TRAT1: variants seen among roughly 807,000 people sequenced by gnomAD.
The protein encoded by TRAT1 is T-cell receptor-associated transmembrane adapter 1.
In TRAT1, 20 loss-of-function variants were observed where a neutral mutation model predicts 20.0. That is an observed-to-expected ratio of 1.00 (90% CI 0.70 to 1.45). TRAT1 has a LOEUF of 1.45. Among genes scored for constraint, TRAT1 ranks in the 40% most tolerant of loss-of-function variants. The probability of loss-of-function intolerance (pLI) is 0.00; values close to 1 mark genes in which losing one functional copy is unlikely to be tolerated. For synonymous variants in TRAT1, 77 were observed against 74.2 expected, an observed-to-expected ratio of 1.04 and a Z score of -0.20; for missense variants, 237 against 224.1, an observed-to-expected ratio of 1.06 and a Z score of -0.37.
At chr3:108,847,651 G>A (rs185374856) in intron 4 of TRAT1, among the ~76,000 whole-genome samples, 2 of 152,208 alleles carry the variant, frequency 1.3e-5, no homozygotes, top group East Asian at 3.9e-4. Flanking sequence ...TATGTAATAA[G>A]CGCTCTTCAG....
intron 5 of TRAT1, among the ~76,000 whole-genome samples, chr3:108,852,119 G>A (rs576470365): frequency 1.3e-5 from 2 of 152,214 alleles, no homozygotes; most frequent in South Asian, 2.1e-4. Context: ...GGTGGCTCAC[G>A]CCTATAATCC....
chr3:108,833,826 A>ACC (rs1945816002), intron 2 of TRAT1, among the ~76,000 whole-genome samples: 2 of 151,820 alleles, frequency 1.3e-5, no homozygotes, highest in Non-Finnish European at 2.9e-5. Context: ...ACACACACAC[A>ACC]CACACATCTT....
rs548740239 is a variant in TRAT1 at position 108,838,598 on chromosome 3, C to A, written c.119-336C>A. Reference sequence around the variant, plus strand: ...AGGGAGGCAGGAAGGAAGGTTCCAGCTCTCTCTGCTTAGTGTTTCTGTGCA... The same window carrying A: ...AGGGAGGCAGGAAGGAAGGTTCCAGATCTCTCTGCTTAGTGTTTCTGTGCA... On this transcript the variant is annotated intron_variant, in intron 2 of 5. Coordinates refer to ENST00000295756, the MANE Select transcript of TRAT1 (RefSeq NM_016388.4). 7.0e-4 allele frequency among the ~76,000 whole-genome samples: 106 copies of A among 152,254 alleles called. 1 individual carries two copies. The highest frequency in any genetic ancestry group is 2.5e-3 in the African/African-American group (104 of 41,552).
intron 1 of TRAT1, among the ~76,000 whole-genome samples, chr3:108,826,670 C>T (rs1945742795): frequency 6.6e-6 from 1 of 151,974 alleles, no homozygotes. Flanking sequence ...TTCTGGGTGC[C>T]TAAAATAAAT....
At chr3:108,835,011 T>G (rs1224350361) in intron 2 of TRAT1, among the ~76,000 whole-genome samples, 4 of 152,238 alleles carry the variant, frequency 2.6e-5, no homozygotes, top group African/African-American at 9.6e-5. Context: ...ATCCAAAAAC[T>G]ATTCTTTGTT....
At chr3:108,851,159 G>T (rs1028120020) in intron 5 of TRAT1, among the ~76,000 whole-genome samples, 10 of 152,052 alleles carry the variant, frequency 6.6e-5, no homozygotes, top group African/African-American at 2.4e-4. Context: ...TGTTACTTTG[G>T]TCAACCACAA....
At position 108,838,467 on chromosome 3, in the gene TRAT1, A is replaced by T. The variant is rs983458331; in HGVS notation, c.119-467A>T. Among the ~76,000 whole-genome samples the T allele has an allele frequency of 3.3e-5, 5 of 152,188 alleles. No individual in the cohort carries two copies. In the South Asian group the frequency reaches 8.3e-4, roughly 25 times the overall value. ...CGTTTTTGGTAACAAAGAAAAGCCT[A>T]TTCAAACCACATGGGCAAAGATAAA... On this transcript the variant is annotated intron_variant, in intron 2 of 5. Coordinates refer to ENST00000295756, the MANE Select transcript of TRAT1 (RefSeq NM_016388.4).
intron 1 of TRAT1, among the ~76,000 whole-genome samples, chr3:108,824,116 C>T (rs557709130): frequency 2.6e-5 from 4 of 152,242 alleles, no homozygotes; most frequent in East Asian, 1.9e-4. Context: ...ATGATCCGCC[C>T]GCCTTGGCCT....
chr3:108,829,048 A>G (rs1403861229), intron 1 of TRAT1, among the ~76,000 whole-genome samples: 2 of 152,186 alleles, frequency 1.3e-5, no homozygotes, highest in Non-Finnish European at 2.9e-5. Context: ...AGTATATACT[A>G]TAGAAATTGG....
At chr3:108,838,554 G>T (rs1457252913) in intron 2 of TRAT1, among the ~76,000 whole-genome samples, 2 of 152,154 alleles carry the variant, frequency 1.3e-5, no homozygotes, top group African/African-American at 4.8e-5. Context: ...GTCATGCCCT[G>T]CAGTGGACTG....
intron 1 of TRAT1, among the ~76,000 whole-genome samples, chr3:108,823,767 T>TA (rs1029447094): frequency 6.6e-6 from 1 of 152,238 alleles, no homozygotes; most frequent in African/African-American, 2.4e-5. Context: ...TCCCTTTTAA[T>TA]ATAACTTCTG....
At chr3:108,826,052 G>A (rs561477354) in intron 1 of TRAT1, among the ~76,000 whole-genome samples, 2 of 152,264 alleles carry the variant, frequency 1.3e-5, no homozygotes, top group East Asian at 1.9e-4. Context: ...TCTAGCATTG[G>A]AGGAATCATA....
intron 2 of TRAT1, among the ~76,000 whole-genome samples, chr3:108,832,455 A>C (rs1021689188): frequency 6.6e-6 from 1 of 152,224 alleles, no homozygotes; most frequent in Non-Finnish European, 1.5e-5. Flanking sequence ...ACCCATCATC[A>C]AACATCTTCT....
At chr3:108,850,224 C>A (rs1384207958) in intron 5 of TRAT1, among the ~76,000 whole-genome samples, 1 of 152,102 alleles carries the variant, frequency 6.6e-6, no homozygotes, top group African/African-American at 2.4e-5. Flanking sequence ...CCTAAAATGG[C>A]TCACATCTTG....
intron 2 of TRAT1, among the ~76,000 whole-genome samples, chr3:108,833,445 G>A (rs147507767): frequency 0.015 from 2,232 of 151,918 alleles, 47 homozygotes; most frequent in African/African-American, 0.034. Context: ...AAAAAACCAC[G>A]TTTTCATTTT....
chr3:108,850,449 T>A (rs1194357197), intron 5 of TRAT1, among the ~76,000 whole-genome samples: 1 of 151,968 alleles, frequency 6.6e-6, no homozygotes, highest in East Asian at 1.9e-4. Flanking sequence ...GGATTACAGG[T>A]GCCTGCCACC....
At chr3:108,849,857 T>G (rs535126291) in intron 5 of TRAT1, among the ~76,000 whole-genome samples, 15 of 152,352 alleles carry the variant, frequency 9.8e-5, no homozygotes, top group African/African-American at 3.4e-4. Context: ...TACCACAATC[T>G]GTTCAACCTC....
chr3:108,853,732 A>G lies in TRAT1; in HGVS notation c.416A>G (p.Gln139Arg). ...TTCTCAGACAAGGATGGAGATGAGC[A>G]ACTACATGCAATAGATGCCAGCGTT... ...THFSDKDGDE[Q>R]LHAIDASVSK... Residue 139 changes from glutamine (Q) to arginine (R), a missense_variant, in exon 6 of 6, where the codon CAA becomes CGA. Coordinates refer to ENST00000295756, the MANE Select transcript of TRAT1 (RefSeq NM_016388.4). 6.2e-7 allele frequency: 1 copy of G among 1,614,174 alleles called. No individual in the cohort carries two copies. Among genetic ancestry groups the G allele is most frequent in the Non-Finnish European group, 8.5e-7 (1 of 1,180,004 alleles).
chr3:108,853,637 G>C lies in TRAT1; in HGVS notation c.321G>C (p.Gln107His). The C allele has an allele frequency of 6.2e-7, 1 of 1,613,706 alleles. No individual in the cohort carries two copies. The highest frequency in any genetic ancestry group is 8.5e-7 in the Non-Finnish European group (1 of 1,179,714). Residue 107 changes from glutamine (Q) to histidine (H), a missense_variant, in exon 6 of 6, where the codon CAG (glutamine) becomes CAC (histidine). Gln to His is a conservative substitution (Grantham distance 24, BLOSUM62 0). Coordinates refer to ENST00000295756, the MANE Select transcript of TRAT1 (RefSeq NM_016388.4). ...TPSAQATNET[Q>H]MCYASLDHSV... ...TCTTTTAGGCAACCAATGAAACACA[G>C]ATGTGCTACGCCTCACTTGATCACA...
Sources: gnomAD v4.1 joint callset for allele counts (sites outside exome capture counted in the v4.1 genomes callset) on GRCh38, gnomAD v4.1.1 for gene constraint, MANE v1.5 for transcripts, NCBI Gene and HGNC (gene_info 2026-07-23, HGNC 2026-07-21) for gene names.